LSAMP: variants seen among roughly 807,000 people sequenced by gnomAD.
The protein encoded by LSAMP is limbic system associated membrane protein, also known as limbic system-associated membrane protein.
A neutral mutation model predicts 38.6 loss-of-function variants in LSAMP; 7 were observed. The ratio of observed to expected loss-of-function variants is 0.18; its 90% CI spans 0.10 to 0.34. The LOEUF is 0.34. LSAMP is among the 10% of genes least tolerant of loss of function. The pLI is 1.00. For missense variants in LSAMP, 313 were observed against 420.0 expected (o/e 0.75, Z 2.23); for synonymous variants, 154 against 166.8 (o/e 0.92, Z 0.59).
rs1933714377 is a variant in LSAMP at position 115,808,852 on chromosome 3, C to T, written c.*1465G>A. ...GAGCTCTGACAGTATCTCCAGAATA[C>T]AGTAGGAGCCTGGGCATCTGTTGAC... On this transcript the variant is annotated 3_prime_UTR_variant, in exon 7 of 7. Coordinates refer to ENST00000490035, the MANE Select transcript of LSAMP (RefSeq NM_002338.5). 1 of 152,220 alleles carries T rather than the reference C, an allele frequency of 6.6e-6. No individual in the cohort carries two copies. Among genetic ancestry groups the T allele is most frequent in the African/African-American group, 2.4e-5 (1 of 41,458 alleles). 9.4% of individuals were successfully genotyped at this position (152,220 alleles called of 1,614,324 possible).
intron 3 of LSAMP, among the ~76,000 whole-genome samples, chr3:116,019,314 A>T (rs972661045): frequency 1.7e-4 from 26 of 152,182 alleles, no homozygotes; most frequent in African/African-American, 5.8e-4. Flanking sequence ...AGCAAAGACC[A>T]TGAGGACCCT....
At chr3:116,092,131 G>A (rs1708137930) in intron 1 of LSAMP, among the ~76,000 whole-genome samples, 1 of 152,040 alleles carries the variant, frequency 6.6e-6, no homozygotes, top group Non-Finnish European at 1.5e-5. Context: ...CTGAAATGTG[G>A]AATAAACAAG....
chr3:116,418,066 A>G (rs1362993763), intron 1 of LSAMP, among the ~76,000 whole-genome samples: 2 of 152,160 alleles, frequency 1.3e-5, no homozygotes, highest in Admixed American at 1.3e-4. Context: ...TGTTTTGTAA[A>G]TATGTGTTTA....
intron 1 of LSAMP, among the ~76,000 whole-genome samples, chr3:116,149,641 C>G (rs775073840): frequency 2.6e-5 from 4 of 151,854 alleles, no homozygotes; most frequent in African/African-American, 9.7e-5. Context: ...GGCTGGGCAG[C>G]TCAGCGTTAT....
chr3:116,340,326 G>A (rs1227019343), intron 1 of LSAMP, among the ~76,000 whole-genome samples: 4 of 151,956 alleles, frequency 2.6e-5, no homozygotes, highest in African/African-American at 9.7e-5. Flanking sequence ...ATGTATTGCT[G>A]TTTTCTTTTT....
At chr3:116,031,261 A>G (rs1313841903) in intron 2 of LSAMP, among the ~76,000 whole-genome samples, 1 of 152,142 alleles carries the variant, frequency 6.6e-6, no homozygotes, top group Non-Finnish European at 1.5e-5. Flanking sequence ...CCTACAACAC[A>G]TAAAGACATT....
chr3:116,105,740 G>C (rs866183157), intron 1 of LSAMP, among the ~76,000 whole-genome samples: 2 of 152,188 alleles, frequency 1.3e-5, no homozygotes, highest in Non-Finnish European at 2.9e-5. Context: ...GGGCATATAC[G>C]TGCAAGTCAC....
rs78851297 is a variant in LSAMP at position 115,831,644 on chromosome 3, T to C, written c.919+10201A>G. Among the ~76,000 whole-genome samples, 595 of 152,282 alleles carry C rather than the reference T, an allele frequency of 3.9e-3. 2 individuals are homozygous for C. The highest frequency in any genetic ancestry group is 6.4e-3 in the Non-Finnish European group (436 of 68,010). Reference sequence around the variant, plus strand: ...AAAGTGAGAAAAGTTCCCCCAGACATTGAGAGCTGACTCTTTCCTCATTTT... The same window carrying C: ...AAAGTGAGAAAAGTTCCCCCAGACACTGAGAGCTGACTCTTTCCTCATTTT... On this transcript the variant is annotated intron_variant, in intron 6 of 6. Coordinates refer to ENST00000490035, the MANE Select transcript of LSAMP (RefSeq NM_002338.5).
At chr3:116,347,441 T>C (rs1051703704) in intron 1 of LSAMP, among the ~76,000 whole-genome samples, 4 of 152,168 alleles carry the variant, frequency 2.6e-5, no homozygotes, top group East Asian at 1.9e-4. Context: ...AATGTGTGTA[T>C]AGAGAATTGA....
Position 115,842,470 on chromosome 3 carries a change from C to A in LSAMP, c.758G>T (p.Arg253Leu). The change falls in exon 5 of 7, where the codon CGG (arginine) becomes CTG (leucine). Residue 253 changes from arginine (R) to leucine (L), a missense_variant. Transcript: ENST00000490035. ...AVPAPDFEWY[R>L]DDTRINSANG... is the part of the protein sequence containing the mutation. ...GTTTGGCACATACCTAGTGTCATCC[C>A]GGTACCACTCAAAGTCAGGTGCAGG... is the stretch of plus-strand genomic sequence containing the variant. The A allele has an allele frequency of 6.2e-7, 1 of 1,613,700 alleles. No homozygotes were observed. The highest frequency in any genetic ancestry group is 1.7e-4 in the Middle Eastern group (1 of 6,052).
chr3:116,432,544 A>G lies in LSAMP; in HGVS notation c.155+12333T>C, dbSNP rs2049295174. On this transcript the variant is annotated intron_variant, in intron 1 of 6. Transcript: ENST00000490035. ...ACATATTTTTAAAGTTTTCTATATT[A>G]TGATATTTATAATATAATTTAGGAT... 2.6e-5 allele frequency among the ~76,000 whole-genome samples: 4 copies of G among 151,908 alleles called. No individual in the cohort carries two copies. In the South Asian group the frequency reaches 8.3e-4, roughly 31 times the overall value.
At chr3:116,089,024 A>G (rs1708056677) in intron 1 of LSAMP, among the ~76,000 whole-genome samples, 1 of 152,218 alleles carries the variant, frequency 6.6e-6, no homozygotes. Flanking sequence ...CCTTAACAAT[A>G]TAAGGTAAAG....
At chr3:116,080,890 A>T (rs530168070) in intron 2 of LSAMP, among the ~76,000 whole-genome samples, 1 of 152,356 alleles carries the variant, frequency 6.6e-6, no homozygotes, top group South Asian at 2.1e-4. Context: ...GCTATAGGCT[A>T]AACTTTTGAA....
intron 3 of LSAMP, among the ~76,000 whole-genome samples, chr3:115,874,921 G>A (rs1936142496): frequency 6.6e-6 from 1 of 151,578 alleles, no homozygotes; most frequent in South Asian, 2.1e-4. Context: ...AAAAAAAAAA[G>A]AGAATGAACG....
chr3:115,888,118 C>T (rs1055476746), intron 3 of LSAMP, among the ~76,000 whole-genome samples: 6 of 151,880 alleles, frequency 4.0e-5, no homozygotes, highest in African/African-American at 1.4e-4. Flanking sequence ...AATACATTTA[C>T]TTGTGTGGGT....
chr3:115,905,622 G>T (rs565062448), intron 3 of LSAMP, among the ~76,000 whole-genome samples: 4 of 151,978 alleles, frequency 2.6e-5, no homozygotes, highest in African/African-American at 4.8e-5. Flanking sequence ...CCAAAAAAAG[G>T]CTTTAAGAAT....
intron 1 of LSAMP, among the ~76,000 whole-genome samples, chr3:116,428,113 C>T (rs139321022): frequency 2.0e-5 from 3 of 152,216 alleles, no homozygotes; most frequent in Admixed American, 6.5e-5. Context: ...TCTCTACCCT[C>T]CTGCCAGCCT....
intron 3 of LSAMP, among the ~76,000 whole-genome samples, chr3:115,932,112 C>T (rs571543659): frequency 2.6e-5 from 4 of 152,176 alleles, no homozygotes; most frequent in Admixed American, 1.3e-4. Context: ...CAAAAAAATG[C>T]TTTGATAACA....
chr3:115,860,383 A>C (rs559353413), intron 3 of LSAMP, among the ~76,000 whole-genome samples: 2 of 152,316 alleles, frequency 1.3e-5, no homozygotes, highest in East Asian at 3.9e-4. Flanking sequence ...TTTTATCATT[A>C]GAATGCTGAA....
Sources: gnomAD v4.1 joint callset for allele counts (sites outside exome capture counted in the v4.1 genomes callset) on GRCh38, gnomAD v4.1.1 for gene constraint, MANE v1.5 for transcripts, NCBI Gene and HGNC (gene_info 2026-07-23, HGNC 2026-07-21) for gene names.